Variants in HELLS observed in about 807,000 individuals in gnomAD.
HELLS encodes the protein lymphoid-specific helicase.
A neutral mutation model predicts 120.0 loss-of-function variants in HELLS; 32 were observed. The ratio of observed to expected loss-of-function variants is 0.27; its 90% CI spans 0.20 to 0.36. The LOEUF is 0.36. Among genes scored for constraint, HELLS ranks in the 10% least tolerant of loss-of-function variants. The probability of loss-of-function intolerance (pLI) is 1.00; values close to 1 mark genes in which losing one functional copy is unlikely to be tolerated. For missense variants in HELLS, 650 were observed against 993.4 expected (o/e 0.65, Z 4.65); for synonymous variants, 341 against 323.4 (o/e 1.05, Z -0.58).
chr10:94,607,665 ATCAATGTCTT>A (rs1846142314), intron 8 of HELLS, among the ~76,000 whole-genome samples: 1 of 152,150 alleles, frequency 6.6e-6, no homozygotes, highest in Non-Finnish European at 1.5e-5. Flanking sequence ...GAAATCTTTC[ATCAATGTCTT>A]AGCAATGGTA....
chr10:94,595,977 C>G (rs1349104372), intron 19 of HELLS, among the ~76,000 whole-genome samples: 2 of 152,060 alleles, frequency 1.3e-5, no homozygotes, highest in Admixed American at 1.3e-4. Flanking sequence ...TTGGAACTTG[C>G]ATTGGGGAAA....
intron 3 of HELLS, among the ~76,000 whole-genome samples, chr10:94,554,627 A>C (rs567647728): frequency 1.3e-5 from 2 of 149,878 alleles, no homozygotes; most frequent in African/African-American, 4.9e-5. Flanking sequence ...AATCCTTGGA[A>C]TCTTCAAAGT....
chr10:94,598,967 T>G (rs1303304721), intron 21 of HELLS, among the ~76,000 whole-genome samples: 3 of 152,200 alleles, frequency 2.0e-5, no homozygotes, highest in Non-Finnish European at 2.9e-5. Context: ...AATAATTTGA[T>G]CATAAATATA....
chr10:94,573,731 T>C (rs776947090), intron 7 of HELLS, among the ~76,000 whole-genome samples: 3 of 152,144 alleles, frequency 2.0e-5, no homozygotes, highest in South Asian at 2.1e-4. Flanking sequence ...CCCAAAGTGC[T>C]GTGATTGTAG....
At chr10:94,552,448 C>T (rs1843030668) in intron 2 of HELLS, among the ~76,000 whole-genome samples, 2 of 152,152 alleles carry the variant, frequency 1.3e-5, no homozygotes, top group African/African-American at 4.8e-5. Flanking sequence ...CATCTATTTC[C>T]TGAAATCTGA....
chr10:94,559,077 C>T (rs1431691061), intron 4 of HELLS, among the ~76,000 whole-genome samples: 7 of 152,138 alleles, frequency 4.6e-5, no homozygotes, highest in African/African-American at 1.4e-4. Context: ...TTCCTGACAC[C>T]GTCATGGTCA....
chr10:94,592,221 T>TC lies in HELLS; in HGVS notation c.1768-6dup, dbSNP rs1401353136. On this transcript the variant is annotated splice_polypyrimidine_tract_variant and splice_region_variant and intron_variant, in intron 15 of 21. Coordinates refer to ENST00000348459, the MANE Select transcript of HELLS (RefSeq NM_018063.5). Reference sequence around the variant, plus strand: ...TCTCTATTTTTTCTTCCTTTGCCCCTCCTTAAGATCGATGAAGAATTGGTA... The same window carrying TC: ...TCTCTATTTTTTCTTCCTTTGCCCCTCCCTTAAGATCGATGAAGAATTGGTA... 1.3e-6 allele frequency: 2 copies of TC among 1,587,684 alleles called. No homozygotes were observed. The highest frequency in any genetic ancestry group is 1.7e-6 in the Non-Finnish European group (2 of 1,165,486).
At chr10:94,573,534 A>G (rs933432728) in intron 7 of HELLS, among the ~76,000 whole-genome samples, 3 of 151,784 alleles carry the variant, frequency 2.0e-5, no homozygotes, top group African/African-American at 4.8e-5. Flanking sequence ...GGCTGTGTTC[A>G]TGGCTCACTG....
intron 2 of HELLS, chr10:94,550,997 T>G (rs755418533): frequency 6.6e-6 from 1 of 152,184 alleles, no homozygotes; most frequent in South Asian, 2.1e-4. Context: ...AGTTAAAAAT[T>G]TAAGAATCCA....
chr10:94,571,472 T>A, intron 7 of HELLS, 43 bp downstream of exon 7: 1 of 1,408,852 alleles, frequency 7.1e-7, no homozygotes, highest in Non-Finnish European at 9.8e-7. Flanking sequence ...AAGTCATATT[T>A]ACTCCTCAGT....
chr10:94,556,384 A>C (rs1385447182), intron 3 of HELLS, among the ~76,000 whole-genome samples: 1 of 152,104 alleles, frequency 6.6e-6, no homozygotes, highest in Non-Finnish European at 1.5e-5. Flanking sequence ...AGATTCATTC[A>C]TGTCATGTTT....
chr10:94,596,903 T>A lies in HELLS; in HGVS notation c.2292T>A (p.Asn764Lys). The A allele has an allele frequency of 1.3e-6, 2 of 1,519,808 alleles. No individual in the cohort carries two copies. Among genetic ancestry groups the A allele is most frequent in the Non-Finnish European group, 1.8e-6 (2 of 1,095,684 alleles). 94.1% of individuals were successfully genotyped at this position (1,519,808 alleles called of 1,614,324 possible). ...GGQSGLNLSKNFLDPKELMEL... is the reference protein window; with the variant it reads ...GGQSGLNLSKKFLDPKELMEL... ...AGTCTGGATTAAATCTGTCTAAGAA[T>A]TTCTTAGATCCTAAGGAATTAATGG... Residue 764 changes from asparagine to lysine, a missense_variant, in exon 20 of 22, where the codon AAT becomes AAA. Coordinates refer to ENST00000348459, the MANE Select transcript of HELLS (RefSeq NM_018063.5).
In HELLS at chr10:94,573,961, A is replaced by T; in HGVS notation, c.479A>T (p.Asp160Val). 6.3e-7 allele frequency: 1 copy of T among 1,586,540 alleles called. No individual in the cohort carries two copies. The highest frequency in any genetic ancestry group is 1.1e-5 in the South Asian group (1 of 89,526). Residue 160 changes from aspartate (D) to valine (V), a missense_variant and splice_region_variant, in exon 8 of 22, where the codon GAT (aspartate) becomes GTT (valine). Transcript: ENST00000348459. ...TTATTAAACTTTTTTTCTCTACAGG[A>T]TGAAAACTCCTCCTCTACTAATCTC... is the stretch of plus-strand genomic sequence containing the variant. ...VAKKNKKENEDENSSSTNLCV... is the reference protein window; with the variant it reads ...VAKKNKKENEVENSSSTNLCV...
At chr10:94,607,924 C>T (rs1417293026) in exon 9 of HELLS, 13 of 428,848 alleles carry the variant, frequency 3.0e-5, no homozygotes, top group Non-Finnish European at 5.6e-5. Flanking sequence ...GACAGGGTTT[C>T]ACCATCTTGG....
chr10:94,592,400 G>A lies in HELLS; in HGVS notation c.1857G>A (p.Leu619=), dbSNP rs749087666. The change falls in exon 17 of 22, where the codon CTG becomes CTA. Residue 619 remains leucine, a synonymous_variant. Transcript: ENST00000348459. ...PELKKRGHKV[L]LFSQMTSMLD... ...TAAGATATGTTTAATTTCAGGTGCTGCTTTTTTCACAAATGACAAGCATGT... is the reference window on the plus strand; with the variant it reads ...TAAGATATGTTTAATTTCAGGTGCTACTTTTTTCACAAATGACAAGCATGT... The A allele has an allele frequency of 6.3e-7, 1 of 1,579,454 alleles. No homozygotes were observed. The highest frequency in any genetic ancestry group is 8.6e-7 in the Non-Finnish European group (1 of 1,167,466).
chr10:94,593,432 T>A, intron 17 of HELLS, 67 bp from the exon 18 acceptor site: 1 of 968,856 alleles, frequency 1.0e-6, no homozygotes, highest in South Asian at 1.3e-5. Context: ...TTGAAAACAT[T>A]TTTCTCCTTC....
exon 10 of HELLS, chr10:94,610,342 G>A (rs1009513276): frequency 1.3e-5 from 2 of 151,862 alleles, no homozygotes; most frequent in African/African-American, 2.4e-5. Context: ...TGTAATCCCA[G>A]CAGTTTGGGA....
At chr10:94,550,241 T>A (rs998410672) in intron 2 of HELLS, among the ~76,000 whole-genome samples, 3 of 148,444 alleles carry the variant, frequency 2.0e-5, no homozygotes, top group Non-Finnish European at 3.0e-5. Context: ...TTAGGAAAAA[T>A]TTTTCCAGGA....
chr10:94,572,034 TTA>T (rs1459497846), intron 7 of HELLS, among the ~76,000 whole-genome samples: 1 of 152,244 alleles, frequency 6.6e-6, no homozygotes, highest in African/African-American at 2.4e-5. Flanking sequence ...GAAATTAATG[TTA>T]TGTTTATAAA....
Sources: allele counts gnomAD v4.1 joint callset (sites outside exome capture counted in the v4.1 genomes callset), GRCh38; gene constraint gnomAD v4.1.1; transcripts MANE v1.5; gene names NCBI Gene and HGNC (gene_info 2026-07-23, HGNC 2026-07-21).